Variants in PHLDB1 observed in about 807,000 individuals in gnomAD.
The protein encoded by PHLDB1 is pleckstrin homology-like domain family B member 1.
PHLDB1 carries 65 observed loss-of-function variants against 139.3 expected under a neutral mutation model. That is an observed-to-expected ratio of 0.47 (90% CI 0.38 to 0.57). The LOEUF (loss-of-function observed/expected upper bound fraction) is 0.57, where lower values mean the gene tolerates loss of function less well. Ranked by LOEUF, PHLDB1 falls within the 20% of genes least tolerant of loss-of-function variation. The pLI is 0.00. For missense variants in PHLDB1, 1,624 were observed against 1,839.7 expected (o/e 0.88, Z 2.14); for synonymous variants, 679 against 734.5 (o/e 0.92, Z 1.22).
rs1240790389 is a variant in PHLDB1, at chr11:118,647,916, G to A, written c.3508-14G>A. On this transcript the variant is annotated splice_polypyrimidine_tract_variant and intron_variant, in intron 17 of 22. Coordinates refer to ENST00000600882, the MANE Select transcript of PHLDB1 (RefSeq NM_001144758.3). ...GGATGGCCATAGGTGCTGACCCCTT[G>A]GCTTTGGGGGCAGGAGCGGGAGATG... The A allele has an allele frequency of 9.0e-6, 14 of 1,558,082 alleles. No individual in the cohort carries two copies. The highest frequency in any genetic ancestry group is 1.4e-5 in the African/African-American group (1 of 73,348).
chr11:118,639,803 G>A, intron 12 of PHLDB1: 15 of 974,748 alleles, frequency 1.5e-5, no homozygotes, highest in Non-Finnish European at 1.8e-5. Context: ...TAGGCCTGCG[G>A]TGGGGAACTG....
chr11:118,608,284 G>A lies in PHLDB1; in HGVS notation c.-22+585G>A, dbSNP rs1939493391. On this transcript the variant is annotated intron_variant, in intron 1 of 22. Coordinates refer to ENST00000600882, the MANE Select transcript of PHLDB1 (RefSeq NM_001144758.3). The surrounding 1 kb of genome is among the most constrained non-coding windows in gnomAD (Gnocchi z 6.7). ...GGGAAGCCCGCCTGGGGCCTCCCAGGCACTCCCCAAGGCCCCACGTCCTCG... is the reference window on the plus strand; with the variant it reads ...GGGAAGCCCGCCTGGGGCCTCCCAGACACTCCCCAAGGCCCCACGTCCTCG... 6.6e-6 allele frequency among the ~76,000 whole-genome samples: 1 copy of A among 152,040 alleles called. No individual in the cohort carries two copies. Among genetic ancestry groups the A allele is most frequent in the African/African-American group, 2.4e-5 (1 of 41,408 alleles).
chr11:118,614,192 G>A (rs782808591), intron 2 of PHLDB1, among the ~76,000 whole-genome samples: 4 of 152,044 alleles, frequency 2.6e-5, no homozygotes, highest in Non-Finnish European at 4.4e-5. Flanking sequence ...GGCAAGCAAT[G>A]GCCACGTGGA....
chr11:118,636,756 G>A (rs1299064537), intron 10 of PHLDB1: 2 of 152,188 alleles, frequency 1.3e-5, no homozygotes, highest in Non-Finnish European at 2.9e-5. Flanking sequence ...ACTGAGGCTA[G>A]GGGCGGGCAC....
chr11:118,652,316 T>G (rs1002915955), intron 20 of PHLDB1: 19 of 152,184 alleles, frequency 1.2e-4, no homozygotes, highest in Admixed American at 2.0e-4. Context: ...GTAGAGGGAC[T>G]AGGGACTTTG....
At chr11:118,634,664 G>A (rs1945318239) in intron 9 of PHLDB1, 1 of 214,488 alleles carries the variant, frequency 4.7e-6, no homozygotes. Flanking sequence ...TCAGCTCCTG[G>A]CCTTGGGCCC....
In PHLDB1 at chr11:118,627,532, A is replaced by G. The variant is rs781930818; in HGVS notation, c.709A>G (p.Thr237Ala). 10 of 1,613,938 alleles carry G rather than the reference A, an allele frequency of 6.2e-6. No homozygotes were observed. The highest frequency in any genetic ancestry group is 1.3e-5 in the African/African-American group (1 of 74,888). ...TGGGCGCTACCTGCTGTCTCCCCCA[A>G]CCAGCCCCGGCGCCATGTCTGTGGG... Reference protein sequence around the residue: ...NGGRYLLSPPTSPGAMSVGSS... With the variant: ...NGGRYLLSPPASPGAMSVGSS... The change falls in exon 6 of 23, where the codon ACC (threonine) becomes GCC (alanine). Residue 237 changes from threonine to alanine, a missense_variant. Thr to Ala is a moderately conservative substitution (Grantham distance 58). Transcript: ENST00000600882.
At chr11:118,642,695 G>A (rs148149344) in intron 13 of PHLDB1, among the ~76,000 whole-genome samples, 1 of 152,354 alleles carries the variant, frequency 6.6e-6, no homozygotes, top group African/African-American at 2.4e-5. Context: ...TAGGCTGTGG[G>A]TCTGGCCTAT....
In PHLDB1 at chr11:118,650,902, G is replaced by C. The variant is rs540915910; in HGVS notation, c.3874+355G>C. On this transcript the variant is annotated intron_variant, in intron 20 of 22. Coordinates refer to ENST00000600882, the MANE Select transcript of PHLDB1 (RefSeq NM_001144758.3). This position sits in a 1 kb window ranked among gnomAD's most constrained non-coding sequence, Gnocchi z 4.7. ...TGGGTATGCTGATAGGAGACATCCA[G>C]GCACTGCAGGAGCATGGGGTCTTAT... 3.5e-6 allele frequency: 1 copy of C among 288,184 alleles called. No homozygotes were observed. The highest frequency in any genetic ancestry group is 6.7e-6 in the Non-Finnish European group (1 of 149,822). 17.9% of individuals were successfully genotyped at this position (288,184 alleles called of 1,614,324 possible). A position where few individuals can be genotyped will look rare whatever the true frequency, so the allele number is the denominator to read the frequency against.
intron 12 of PHLDB1, chr11:118,640,118 C>A: frequency 2.2e-6 from 1 of 458,304 alleles, no homozygotes; most frequent in Non-Finnish European, 2.9e-6. Flanking sequence ...GTGATAGTTT[C>A]TTGGCTGGCC....
In PHLDB1 at chr11:118,645,613, G is replaced by T. The variant is rs1014523487; in HGVS notation, c.3379G>T (p.Gly1127Trp). 2.7e-5 allele frequency: 44 copies of T among 1,612,872 alleles called. No individual in the cohort carries two copies. The highest frequency in any genetic ancestry group is 3.6e-5 in the Non-Finnish European group (43 of 1,179,220). The change falls in exon 16 of 23, where the codon GGG (glycine) becomes TGG (tryptophan). Residue 1127 changes from glycine to tryptophan, a missense_variant. By Grantham distance (184) the Gly-to-Trp change is radical. Transcript: ENST00000600882. The surrounding 1 kb of genome is among the most constrained non-coding windows in gnomAD (Gnocchi z 5.1). ...SDSMETSISTGGNSACSPDNM... is the reference protein window; with the variant it reads ...SDSMETSISTWGNSACSPDNM... ...CAGCATGGAGACCAGCATCTCCACCGGGGGCAACTCGGCCTGCTCCCCTGA... is the reference window on the plus strand; with the variant it reads ...CAGCATGGAGACCAGCATCTCCACCTGGGGCAACTCGGCCTGCTCCCCTGA...
rs1942512668 is a variant in PHLDB1, at chr11:118,620,299, C to G, written c.355+4088C>G. Reference sequence around the variant, plus strand: ...CCTGAGGTCGGGAGTTCGAGACCAGCCTGACCAACATGGAGAAACCCCATC... The same window carrying G: ...CCTGAGGTCGGGAGTTCGAGACCAGGCTGACCAACATGGAGAAACCCCATC... On this transcript the variant is annotated intron_variant, in intron 4 of 22. Coordinates refer to ENST00000600882, the MANE Select transcript of PHLDB1 (RefSeq NM_001144758.3). The surrounding 1 kb of genome is among the most constrained non-coding windows in gnomAD (Gnocchi z 4.1). 1.3e-5 allele frequency among the ~76,000 whole-genome samples: 2 copies of G among 152,212 alleles called. No individual in the cohort carries two copies. The highest frequency in any genetic ancestry group is 2.1e-4 in the South Asian group (1 of 4,832).
chr11:118,644,627 C>A, intron 15 of PHLDB1: 1 of 1,284,176 alleles, frequency 7.8e-7, no homozygotes, highest in Non-Finnish European at 1.0e-6. Context: ...GTACCCTCTG[C>A]CTGGGGTCCC....
chr11:118,629,107 G>C (rs1944356846), intron 6 of PHLDB1, among the ~76,000 whole-genome samples: 2 of 152,240 alleles, frequency 1.3e-5, no homozygotes, highest in African/African-American at 4.8e-5. Flanking sequence ...CAGGTCCCCT[G>C]TCTGACTCTT....
In PHLDB1 at chr11:118,632,567, G is replaced by A; in HGVS notation, c.2379+271G>A. 2.0e-6 allele frequency: 1 copy of A among 491,884 alleles called. No homozygotes were observed. The highest frequency in any genetic ancestry group is 3.5e-5 in the East Asian group (1 of 28,530). 30.5% of individuals were successfully genotyped at this position (491,884 alleles called of 1,614,324 possible). A position where few individuals can be genotyped will look rare whatever the true frequency, so the allele number is the denominator to read the frequency against. On this transcript the variant is annotated intron_variant, in intron 9 of 22. Coordinates refer to ENST00000600882, the MANE Select transcript of PHLDB1 (RefSeq NM_001144758.3). The surrounding 1 kb of genome is among the most constrained non-coding windows in gnomAD (Gnocchi z 5.9). ...TGCCTGCCATCCTAGGCCCTTTATG[G>A]CCCTTCTAGGAAGTGCCAAAGCCCC...
chr11:118,632,657 C>G lies in PHLDB1; in HGVS notation c.2379+361C>G, dbSNP rs937879303. On this transcript the variant is annotated intron_variant, in intron 9 of 22. Transcript: ENST00000600882. The surrounding 1 kb of genome is among the most constrained non-coding windows in gnomAD (Gnocchi z 5.9). ...GGAGTGATTCAAGTTCGGGTCCCAC[C>G]ATCTGGAGAACATCTCCCTCCAAGC... 6 of 234,620 alleles carry G rather than the reference C, an allele frequency of 2.6e-5. No individual in the cohort carries two copies. In the East Asian group the frequency reaches 5.7e-4, roughly 22 times the overall value. 14.5% of individuals were successfully genotyped at this position (234,620 alleles called of 1,614,324 possible).
Position 118,655,332 on chromosome 11 carries a change from G to A in PHLDB1, c.3875-273G>A, listed in dbSNP as rs564868337. ...CCTTCACCATAGACTTGCCAAAAGT[G>A]TGCTGTATATTTGTTGTATGTTTTT... is the stretch of plus-strand genomic sequence containing the variant. On this transcript the variant is annotated intron_variant, in intron 20 of 22. Coordinates refer to ENST00000600882, the MANE Select transcript of PHLDB1 (RefSeq NM_001144758.3). 4 of 303,492 alleles carry A rather than the reference G, an allele frequency of 1.3e-5. No homozygotes were observed. The South Asian group carries it at 2.1e-4, about 16-fold the overall frequency. 18.8% of individuals were successfully genotyped at this position (303,492 alleles called of 1,614,324 possible).
At chr11:118,619,901 G>T (rs1367863878) in intron 4 of PHLDB1, among the ~76,000 whole-genome samples, 4 of 152,210 alleles carry the variant, frequency 2.6e-5, no homozygotes, top group African/African-American at 9.6e-5. Flanking sequence ...TGAAAGGAAA[G>T]CTATGCCTGG....
intron 10 of PHLDB1, among the ~76,000 whole-genome samples, chr11:118,636,402 C>G (rs1945656165): frequency 6.6e-6 from 1 of 152,150 alleles, no homozygotes; most frequent in Non-Finnish European, 1.5e-5. Context: ...AGCTGCTGGA[C>G]TTTCCTTGAG....
Sources: gnomAD v4.1 joint callset for allele counts (sites outside exome capture counted in the v4.1 genomes callset) on GRCh38, gnomAD v4.1.1 for gene constraint, Gnocchi (gnomAD v3.1) non-coding constraint, MANE v1.5 for transcripts, NCBI Gene and HGNC (gene_info 2026-07-23, HGNC 2026-07-21) for gene names.